The following DLG2 variants were observed in gnomAD, a reference collection of about 807,000 sequenced individuals.
The protein encoded by DLG2 is disks large homolog 2.
Under a neutral mutation model 132.5 loss-of-function variants are expected in DLG2, and 45 were observed. That is an observed-to-expected ratio of 0.34 (90% CI 0.27 to 0.44). The LOEUF (loss-of-function observed/expected upper bound fraction) is 0.44. DLG2 is among the 20% of genes least tolerant of loss of function. The pLI is 1.00. For missense variants in DLG2, 1,045 were observed against 1,196.9 expected (o/e 0.87, Z 1.87); for synonymous variants, 424 against 419.6 (o/e 1.01, Z -0.13).
intron 6 of DLG2, among the ~76,000 whole-genome samples, chr11:84,658,612 A>G (rs2099691011): frequency 6.6e-6 from 1 of 152,116 alleles, no homozygotes; most frequent in Non-Finnish European, 1.5e-5. Flanking sequence ...TGATCTCCCC[A>G]TGGTAATGAG....
intron 18 of DLG2, 94 bp from the exon 19 acceptor site, chr11:83,633,419 G>T: frequency 1.0e-6 from 1 of 967,064 alleles, no homozygotes; most frequent in Non-Finnish European, 1.6e-6. Flanking sequence ...CACGTTGTTG[G>T]TTCCTTTGCC....
At chr11:84,449,365 A>G (rs1481504422) in intron 7 of DLG2, among the ~76,000 whole-genome samples, 1 of 151,894 alleles carries the variant, frequency 6.6e-6, no homozygotes, top group Non-Finnish European at 1.5e-5. Flanking sequence ...CTTCAATGCC[A>G]ATATCAATTA....
intron 6 of DLG2, among the ~76,000 whole-genome samples, chr11:84,762,587 G>A (rs1348665898): frequency 6.6e-6 from 1 of 152,138 alleles, no homozygotes; most frequent in African/African-American, 2.4e-5. Context: ...AGCATAGAGA[G>A]GCAAGGATTT....
At chr11:85,195,534 T>C (rs2080971500) in intron 4 of DLG2, among the ~76,000 whole-genome samples, 1 of 151,202 alleles carries the variant, frequency 6.6e-6, no homozygotes, top group Admixed American at 6.6e-5. Context: ...TTTTTTTTTT[T>C]TTTTTTTGAG....
chr11:84,839,649 T>C (rs536814681), intron 6 of DLG2, among the ~76,000 whole-genome samples: 3 of 152,218 alleles, frequency 2.0e-5, no homozygotes, highest in African/African-American at 7.2e-5. Flanking sequence ...AACAGTTATC[T>C]AGACCAATAG....
chr11:83,665,610 T>C (rs2075353329), intron 18 of DLG2, among the ~76,000 whole-genome samples: 1 of 152,240 alleles, frequency 6.6e-6, no homozygotes. Context: ...ATTTCAAGAC[T>C]ATAGAGCTTA....
intron 7 of DLG2, among the ~76,000 whole-genome samples, chr11:84,465,578 G>T (rs2099092063): frequency 6.6e-6 from 1 of 151,196 alleles, no homozygotes. Flanking sequence ...ATTTATGCAT[G>T]TGAAATCTCG....
At chr11:84,739,506 C>A (rs1052455850) in intron 6 of DLG2, among the ~76,000 whole-genome samples, 8 of 151,894 alleles carry the variant, frequency 5.3e-5, no homozygotes, top group Non-Finnish European at 7.4e-5. Context: ...GAGCACTTTA[C>A]CTGAGTTTTA....
At chr11:84,036,740 G>A (rs561985387) in intron 11 of DLG2, among the ~76,000 whole-genome samples, 2 of 152,142 alleles carry the variant, frequency 1.3e-5, no homozygotes, top group Admixed American at 6.5e-5. Context: ...ACAAGGAATT[G>A]TACCAACTAA....
chr11:84,278,734 A>C (rs1202147324), intron 7 of DLG2, among the ~76,000 whole-genome samples: 1 of 152,158 alleles, frequency 6.6e-6, no homozygotes, highest in Non-Finnish European at 1.5e-5. Flanking sequence ...TTAAATAATG[A>C]ATTTATTCAT....
chr11:84,963,955 C>T (rs145188710), intron 6 of DLG2, among the ~76,000 whole-genome samples: 93 of 152,222 alleles, frequency 6.1e-4, no homozygotes, highest in African/African-American at 2.2e-3. Context: ...GACCTCTGTT[C>T]TCTTCATACC....
intron 3 of DLG2, among the ~76,000 whole-genome samples, chr11:85,373,135 G>A (rs577875647): frequency 3.9e-5 from 6 of 152,246 alleles, no homozygotes; most frequent in South Asian, 2.1e-4. Context: ...AAGGGAACCC[G>A]GAAGTCCAAC....
At chr11:85,527,561 A>C (rs1241925960) in intron 3 of DLG2, among the ~76,000 whole-genome samples, 1 of 152,074 alleles carries the variant, frequency 6.6e-6, no homozygotes, top group Non-Finnish European at 1.5e-5. Context: ...ATTCCATAGT[A>C]TGTATGTGCC....
At position 84,714,593 on chromosome 11, in the gene DLG2, CTT is replaced by C. The variant is rs1226156892; in HGVS notation, c.358-179864_358-179863del. On this transcript the variant is annotated intron_variant, in intron 6 of 27. Transcript: ENST00000376104. ...TCTTTCTCTTTCTCTTTCTCTTTCT[CTT>C]TCTTTCTCTTTCTCTTTCTCTTTCT... 4.2e-3 allele frequency among the ~76,000 whole-genome samples: 459 copies of C among 110,026 alleles called. 15 individuals carry two copies. The highest frequency in any genetic ancestry group is 0.017 in the African/African-American group (443 of 26,764). The allele number at this position is 110,026 out of a possible 152,430, so 72.2% of individuals were successfully genotyped here. A position where few individuals can be genotyped will look rare whatever the true frequency, so the allele number is the denominator to read the frequency against.
intron 4 of DLG2, among the ~76,000 whole-genome samples, chr11:85,233,926 T>A (rs879321633): frequency 6.6e-6 from 1 of 151,876 alleles, no homozygotes; most frequent in African/African-American, 2.4e-5. Flanking sequence ...TCCTGAGAAA[T>A]ATTAGCTTGG....
intron 6 of DLG2, among the ~76,000 whole-genome samples, chr11:84,971,967 A>G (rs762911127): frequency 4.6e-5 from 7 of 152,332 alleles, no homozygotes; most frequent in Non-Finnish European, 7.3e-5. Flanking sequence ...TTCTTGCTGT[A>G]TAGTAGCTCA....
At chr11:83,685,995 A>T (rs982510433) in intron 18 of DLG2, among the ~76,000 whole-genome samples, 13 of 151,990 alleles carry the variant, frequency 8.6e-5, no homozygotes, top group African/African-American at 3.1e-4. Flanking sequence ...TGTCTTCAAA[A>T]TGTACCCTCT....
chr11:84,773,712 A>G (rs2069845024), intron 6 of DLG2, among the ~76,000 whole-genome samples: 1 of 152,190 alleles, frequency 6.6e-6, no homozygotes, highest in Non-Finnish European at 1.5e-5. Flanking sequence ...ATACAGGTGG[A>G]AAAAGATTTC....
chr11:85,056,154 G>A (rs991048540), intron 6 of DLG2, among the ~76,000 whole-genome samples: 1 of 152,040 alleles, frequency 6.6e-6, no homozygotes, highest in Non-Finnish European at 1.5e-5. Context: ...AGATATTAGA[G>A]TTATTAGAAA....
Sources: allele counts gnomAD v4.1 joint callset (sites outside exome capture counted in the v4.1 genomes callset), GRCh38; gene constraint gnomAD v4.1.1; transcripts MANE v1.5; gene names NCBI Gene and HGNC (gene_info 2026-07-23, HGNC 2026-07-21).